The following MICAL2 variants were observed in gnomAD, a reference collection of about 807,000 sequenced individuals.
MICAL2 encodes the protein microtubule associated monooxygenase, calponin and LIM domain containing 2, also known as [F-actin]-monooxygenase MICAL2.
MICAL2 carries 77 observed loss-of-function variants against 127.3 expected under a neutral mutation model. That is an observed-to-expected ratio of 0.60 (90% confidence interval 0.50 to 0.73). The LOEUF (loss-of-function observed/expected upper bound fraction) is 0.73. Among genes scored for constraint, MICAL2 ranks in the 30% least tolerant of loss-of-function variants. MICAL2 has a pLI of 0.00. For synonymous variants in MICAL2, 570 were observed against 551.1 expected (o/e 1.03, Z -0.48); for missense variants, 1,351 against 1,434.4 (o/e 0.94, Z 0.94).
intron 1 of MICAL2, among the ~76,000 whole-genome samples, chr11:12,276,948 A>G (rs1863727983): frequency 6.6e-6 from 1 of 152,224 alleles, no homozygotes; most frequent in Non-Finnish European, 1.5e-5. Context: ...TTGGGTGGCC[A>G]GGAAAAGGCC....
At chr11:12,169,066 T>G (rs1565086377) in intron 3 of MICAL2, among the ~76,000 whole-genome samples, 1 of 152,068 alleles carries the variant, frequency 6.6e-6, no homozygotes, top group African/African-American at 2.4e-5. Flanking sequence ...AAATTTAGTG[T>G]GGAAGAAGTT....
intron 15 of MICAL2, among the ~76,000 whole-genome samples, chr11:12,233,474 A>G (rs2134395668): frequency 6.6e-6 from 1 of 152,366 alleles, no homozygotes; most frequent in African/African-American, 2.4e-5. Context: ...AGGCTATACC[A>G]GCTAACTAAA....
At chr11:12,149,803 C>T (rs530904872) in intron 2 of MICAL2, among the ~76,000 whole-genome samples, 1 of 152,144 alleles carries the variant, frequency 6.6e-6, no homozygotes, top group African/African-American at 2.4e-5. Flanking sequence ...GCCTGAAATG[C>T]AGCAGGGAGC....
At chr11:12,292,314 G>C, downstream of MICAL2, 1 of 1,613,518 alleles carries the variant, frequency 6.2e-7, no homozygotes, top group Non-Finnish European at 8.5e-7. Flanking sequence ...GTCCCTGAGG[G>C]TCCTGCCCAG....
At chr11:12,320,342 A>T (rs1334487008) in intron 30 of MICAL2, among the ~76,000 whole-genome samples, 1 of 152,222 alleles carries the variant, frequency 6.6e-6, no homozygotes, top group Non-Finnish European at 1.5e-5. Context: ...CTCAATGAAC[A>T]TTAATGTTTT....
chr11:12,359,066 G>T (rs1037797436), downstream of MICAL2: 2 of 152,488 alleles, frequency 1.3e-5, no homozygotes, highest in Admixed American at 6.6e-5. Flanking sequence ...AATTTACCAG[G>T]TGCATTTATA....
downstream of MICAL2, chr11:12,294,233 T>C: frequency 1.9e-6 from 3 of 1,613,932 alleles, no homozygotes; most frequent in Non-Finnish European, 2.5e-6. Flanking sequence ...TCCACCCAAG[T>C]CCCCACTGCG....
chr11:12,285,002 C>T (rs1388927450), intron 2 of MICAL2, among the ~76,000 whole-genome samples: 1 of 152,234 alleles, frequency 6.6e-6, no homozygotes, highest in Non-Finnish European at 1.5e-5. Flanking sequence ...ACAGAGCTGG[C>T]TGTACAGGAG....
chr11:12,292,263 C>G, downstream of MICAL2: 1 of 1,614,170 alleles, frequency 6.2e-7, no homozygotes, highest in Non-Finnish European at 8.5e-7. Context: ...ACCAGTGTTT[C>G]TGGGAATGCT....
At chr11:12,313,660 T>A (rs1338807132) in intron 29 of MICAL2, among the ~76,000 whole-genome samples, 2 of 152,166 alleles carry the variant, frequency 1.3e-5, no homozygotes, top group Non-Finnish European at 2.9e-5. Flanking sequence ...TGCTTATCAA[T>A]TAGGTCAAAT....
chr11:12,230,163 C>T (rs1026958326), intron 15 of MICAL2, among the ~76,000 whole-genome samples: 1 of 152,188 alleles, frequency 6.6e-6, no homozygotes, highest in African/African-American at 2.4e-5. Context: ...CCCATCCTAC[C>T]AGATACCTTG....
intron 29 of MICAL2, among the ~76,000 whole-genome samples, chr11:12,304,637 A>AACACACACACAC (rs57280679): frequency 7.8e-6 from 1 of 128,836 alleles, no homozygotes; most frequent in African/African-American, 3.2e-5. Context: ...CTCTGTCTCA[A>AACACACACACAC]ACACACACAC....
chr11:12,231,668 C>T (rs1420844793), intron 15 of MICAL2, among the ~76,000 whole-genome samples: 1 of 152,164 alleles, frequency 6.6e-6, no homozygotes, highest in Non-Finnish European at 1.5e-5. Flanking sequence ...TTCCTCTCAC[C>T]TCACTTCCCC....
intron 30 of MICAL2, among the ~76,000 whole-genome samples, chr11:12,321,878 A>G (rs549047500): frequency 6.6e-6 from 1 of 152,144 alleles, no homozygotes; most frequent in South Asian, 2.1e-4. Context: ...TTTAGGGGGA[A>G]CATTGGCATT....
downstream of MICAL2, among the ~76,000 whole-genome samples, chr11:12,360,199 TACCTA>T (rs1939187865): frequency 7.8e-6 from 1 of 128,820 alleles, no homozygotes; most frequent in East Asian, 2.5e-4. Flanking sequence ...CCTACCTGCC[TACCTA>T]TGAAAACTGT....
chr11:12,283,805 C>T (rs535118350), intron 2 of MICAL2, among the ~76,000 whole-genome samples: 2 of 152,352 alleles, frequency 1.3e-5, no homozygotes, highest in South Asian at 4.1e-4. Context: ...TCAAAGTTCA[C>T]AGAGCGTGCC....
At position 12,226,352 on chromosome 11, in the gene MICAL2, A is replaced by T. The variant is rs951402098; in HGVS notation, c.1870A>T (p.Thr624Ser). 13 of 1,613,842 alleles carry T rather than the reference A, an allele frequency of 8.1e-6. No individual in the cohort carries two copies. The Admixed American group carries it at 1.8e-4, about 23-fold the overall frequency. Residue 624 changes from threonine (T) to serine (S), a missense_variant, in exon 14 of 28, where the codon ACC (threonine) becomes TCC (serine). Around this residue, in one of 2 missense-constraint regions of MICAL2, gnomAD observed 752 missense variants for 719.4 expected, o/e 1.05. Coordinates refer to ENST00000683283, the MANE Select transcript of MICAL2 (RefSeq NM_001282663.2). ...LSKFYELFRG[T>S]PLRPVDSWRK... ...CAAGTTCTACGAGCTCTTCCGGGGC[A>T]CCCCACTGAGGCCCGTGGGTAAGCA...
intron 3 of MICAL2, among the ~76,000 whole-genome samples, chr11:12,184,839 T>C (rs979832715): frequency 2.6e-5 from 4 of 151,716 alleles, no homozygotes; most frequent in Non-Finnish European, 4.4e-5. Flanking sequence ...TCAAAGGAAC[T>C]GTCAGCTCAG....
intron 32 of MICAL2, among the ~76,000 whole-genome samples, chr11:12,335,934 C>T (rs182905817): frequency 9.9e-5 from 15 of 152,260 alleles, no homozygotes; most frequent in Admixed American, 3.9e-4. Context: ...CTTGACAATG[C>T]GGGCTCTTTT....
Sources: gnomAD v4.1 joint callset for allele counts (sites outside exome capture counted in the v4.1 genomes callset) on GRCh38, gnomAD v4.1.1 for gene constraint, gnomAD v4.1.1 regional missense constraint, MANE v1.5 for transcripts, NCBI Gene and HGNC (gene_info 2026-07-23, HGNC 2026-07-21) for gene names.